SLC35F1: variants seen among roughly 807,000 people sequenced by gnomAD.
SLC35F1 encodes solute carrier family 35 member F1.
In SLC35F1, 14 loss-of-function variants were observed where a neutral mutation model predicts 48.7. The ratio of observed to expected loss-of-function variants is 0.29; its 90% CI spans 0.19 to 0.45. SLC35F1 has a LOEUF of 0.45. Among genes scored for constraint, SLC35F1 ranks in the 20% least tolerant of loss-of-function variants. The pLI is 1.00. For missense variants in SLC35F1, 404 were observed against 500.0 expected, an observed-to-expected ratio of 0.81 and a Z score of 1.83; for synonymous variants, 190 against 202.2, an observed-to-expected ratio of 0.94 and a Z score of 0.51.
At chr6:118,205,615 A>C (rs181598670) in intron 2 of SLC35F1, among the ~76,000 whole-genome samples, 1 of 152,310 alleles carries the variant, frequency 6.6e-6, no homozygotes, top group Admixed American at 6.5e-5. Flanking sequence ...ATGTAGAACT[A>C]CCATATGAGC....
intron 1 of SLC35F1, among the ~76,000 whole-genome samples, chr6:117,946,418 T>G (rs1776295775): frequency 6.6e-6 from 1 of 152,152 alleles, no homozygotes; most frequent in Non-Finnish European, 1.5e-5. Flanking sequence ...TCAGCTGAAG[T>G]TTTGAGAGAT....
chr6:118,196,832 T>G (rs1774808798), intron 2 of SLC35F1, among the ~76,000 whole-genome samples: 1 of 152,156 alleles, frequency 6.6e-6, no homozygotes, highest in East Asian at 1.9e-4. Flanking sequence ...ATCTTAACAT[T>G]TAGGTATTTA....
At position 118,165,594 on chromosome 6, in the gene SLC35F1, G is replaced by A. The variant is rs189489950; in HGVS notation, c.349+10974G>A. Among the ~76,000 whole-genome samples the A allele has an allele frequency of 3.2e-4, 48 of 152,322 alleles. No individual in the cohort carries two copies. The East Asian group carries it at 8.3e-3, about 26-fold the overall frequency. ...TTCTCTTCCACAATACACATAGAATGCATTGTAAACTGCAACCAACTGAAT... is the reference window on the plus strand; with the variant it reads ...TTCTCTTCCACAATACACATAGAATACATTGTAAACTGCAACCAACTGAAT... On this transcript the variant is annotated intron_variant, in intron 2 of 7. Transcript: ENST00000360388.
intron 2 of SLC35F1, among the ~76,000 whole-genome samples, chr6:118,159,641 A>G (rs1225822512): frequency 6.6e-6 from 1 of 152,210 alleles, no homozygotes; most frequent in Non-Finnish European, 1.5e-5. Context: ...ATTATGAACC[A>G]GAGGCGAGGA....
At chr6:118,303,603 A>C (rs993846605) in intron 7 of SLC35F1, among the ~76,000 whole-genome samples, 1 of 152,196 alleles carries the variant, frequency 6.6e-6, no homozygotes, top group Non-Finnish European at 1.5e-5. Context: ...GTGGTACTCT[A>C]TGCTTCTCTG....
intron 1 of SLC35F1, among the ~76,000 whole-genome samples, chr6:117,974,630 TA>T: frequency 6.6e-6 from 1 of 152,338 alleles, no homozygotes; most frequent in Non-Finnish European, 1.5e-5. Context: ...TTACACTCTT[TA>T]AAATTATTAA....
At chr6:118,168,967 G>A (rs1446699444) in intron 2 of SLC35F1, among the ~76,000 whole-genome samples, 2 of 152,112 alleles carry the variant, frequency 1.3e-5, no homozygotes, top group Non-Finnish European at 2.9e-5. Flanking sequence ...TCTGCAGAGG[G>A]GCAGGAAGAG....
At position 117,907,647 on chromosome 6, in the gene SLC35F1, T is replaced by C. The variant is rs1198500881; in HGVS notation, c.-80T>C. 2.4e-6 allele frequency: 2 copies of C among 843,326 alleles called. No homozygotes were observed. The highest frequency in any genetic ancestry group is 3.8e-5 in the Admixed American group (1 of 26,182). The allele number at this position is 843,326 out of a possible 1,614,324, so 52.2% of individuals were successfully genotyped here. ...GCCGCGGCCGCCCGGCCGGGTCCTCTGCGCGTTCCCGGGCCCGGAACCGGC... is the reference window on the plus strand; with the variant it reads ...GCCGCGGCCGCCCGGCCGGGTCCTCCGCGCGTTCCCGGGCCCGGAACCGGC... On this transcript the variant is annotated 5_prime_UTR_variant, in exon 1 of 8. Transcript: ENST00000360388.
chr6:118,226,506 A>AC (rs3079953), intron 2 of SLC35F1, among the ~76,000 whole-genome samples: 146 of 151,928 alleles, frequency 9.6e-4, no homozygotes, highest in African/African-American at 3.3e-3. Context: ...ACACACACAC[A>AC]ATGGAATATT....
intron 2 of SLC35F1, among the ~76,000 whole-genome samples, chr6:118,184,425 C>T (rs975673290): frequency 6.6e-6 from 1 of 152,138 alleles, no homozygotes; most frequent in African/African-American, 2.4e-5. Flanking sequence ...TAAGTGAAAC[C>T]TTCTCTCCTC....
At chr6:117,984,662 G>GA (rs1776827086) in intron 1 of SLC35F1, among the ~76,000 whole-genome samples, 1 of 152,148 alleles carries the variant, frequency 6.6e-6, no homozygotes, top group South Asian at 2.1e-4. Flanking sequence ...GGTAGTTGCT[G>GA]AAAAGCTTAA....
intron 1 of SLC35F1, among the ~76,000 whole-genome samples, chr6:117,925,431 T>A (rs1432362769): frequency 6.6e-6 from 1 of 152,066 alleles, no homozygotes; most frequent in East Asian, 1.9e-4. Flanking sequence ...GACAGCAGAG[T>A]GGACAGAAGG....
intron 1 of SLC35F1, among the ~76,000 whole-genome samples, chr6:118,147,464 A>T (rs541307570): frequency 6.6e-6 from 1 of 152,286 alleles, no homozygotes; most frequent in Non-Finnish European, 1.5e-5. Flanking sequence ...GTGCTGAGAG[A>T]CACTGGAGAT....
intron 2 of SLC35F1, among the ~76,000 whole-genome samples, chr6:118,172,381 A>G (rs1774419261): frequency 2.0e-5 from 3 of 152,138 alleles, no homozygotes; most frequent in Admixed American, 1.3e-4. Flanking sequence ...AATGTCACCT[A>G]CATATGGTTT....
chr6:118,198,850 A>G (rs1366807929), intron 2 of SLC35F1, among the ~76,000 whole-genome samples: 2 of 152,156 alleles, frequency 1.3e-5, no homozygotes, highest in Admixed American at 6.6e-5. Flanking sequence ...TTAGTTTCCT[A>G]CATCTGGAAG....
chr6:118,304,482 A>C (rs991562659), intron 7 of SLC35F1, among the ~76,000 whole-genome samples: 1 of 152,176 alleles, frequency 6.6e-6, no homozygotes, highest in Non-Finnish European at 1.5e-5. Flanking sequence ...GATTATTTGC[A>C]CTGATGAAAA....
intron 1 of SLC35F1, among the ~76,000 whole-genome samples, chr6:118,000,615 A>G (rs191955810): frequency 6.4e-4 from 97 of 152,296 alleles, no homozygotes; most frequent in African/African-American, 2.1e-3. Flanking sequence ...TAGGTAGGAG[A>G]AGGAAATAAA....
At chr6:117,958,043 A>G (rs1776449200) in intron 1 of SLC35F1, among the ~76,000 whole-genome samples, 1 of 152,196 alleles carries the variant, frequency 6.6e-6, no homozygotes, top group Admixed American at 6.5e-5. Flanking sequence ...CCAGTGGGAC[A>G]AGATGTGGAG....
intron 1 of SLC35F1, among the ~76,000 whole-genome samples, chr6:117,921,494 G>C (rs1441943935): frequency 6.6e-6 from 1 of 152,138 alleles, no homozygotes; most frequent in East Asian, 1.9e-4. Flanking sequence ...TGCCTTTCAG[G>C]CAAAATTCTT....
Sources: allele counts gnomAD v4.1 joint callset (sites outside exome capture counted in the v4.1 genomes callset), GRCh38; gene constraint gnomAD v4.1.1; transcripts MANE v1.5; gene names NCBI Gene and HGNC (gene_info 2026-07-23, HGNC 2026-07-21).